NEDD4L: variants seen among roughly 807,000 people sequenced by gnomAD.
NEDD4L encodes the protein E3 ubiquitin-protein ligase NEDD4-like.
In NEDD4L, 54 loss-of-function variants were observed where a neutral mutation model predicts 148.9. The ratio of observed to expected loss-of-function variants is 0.36; its 90% CI spans 0.29 to 0.45. The LOEUF is 0.45. NEDD4L is among the 20% of genes least tolerant of loss of function. NEDD4L has a pLI of 1.00. For synonymous variants in NEDD4L, 433 were observed against 440.7 expected (o/e 0.98, Z 0.22); for missense variants, 856 against 1,233.8 (o/e 0.69, Z 4.59).
chr18:58,360,225 A>G (rs2045285784), intron 19 of NEDD4L, among the ~76,000 whole-genome samples: 1 of 152,178 alleles, frequency 6.6e-6, no homozygotes. Context: ...CTTCTTCAGT[A>G]TGGGGATTGT....
intron 1 of NEDD4L, chr18:58,047,287 C>G: frequency 1.0e-6 from 1 of 983,988 alleles, no homozygotes; most frequent in Non-Finnish European, 1.2e-6. Flanking sequence ...ACACACATAC[C>G]TACCACATTT....
chr18:58,215,008 C>T (rs528163444), intron 2 of NEDD4L, among the ~76,000 whole-genome samples: 114 of 152,122 alleles, frequency 7.5e-4, no homozygotes, highest in African/African-American at 2.6e-3. Context: ...GACAGGGTTT[C>T]ACCATGTTGG....
intron 29 of NEDD4L, among the ~76,000 whole-genome samples, chr18:58,390,951 G>A (rs1160383711): frequency 6.6e-6 from 1 of 150,788 alleles, no homozygotes; most frequent in Admixed American, 6.6e-5. Flanking sequence ...GGGATTGGGG[G>A]GCAGTTTGTG....
intron 1 of NEDD4L, among the ~76,000 whole-genome samples, chr18:58,086,899 C>A (rs1013841227): frequency 4.6e-5 from 7 of 152,248 alleles, no homozygotes; most frequent in African/African-American, 1.7e-4. Flanking sequence ...ATTTCTCACT[C>A]TGTATCCTGC....
intron 5 of NEDD4L, among the ~76,000 whole-genome samples, chr18:58,263,046 GTCATGAAA>G (rs1245436421): frequency 6.6e-6 from 1 of 152,196 alleles, no homozygotes; most frequent in Non-Finnish European, 1.5e-5. Flanking sequence ...GAAGGGACAG[GTCATGAAA>G]TCAAATAAAA....
intron 2 of NEDD4L, among the ~76,000 whole-genome samples, chr18:58,215,887 T>G (rs1029860646): frequency 6.6e-6 from 1 of 152,210 alleles, no homozygotes; most frequent in Non-Finnish European, 1.5e-5. Context: ...TGTTTCTGAA[T>G]GTACAATATC....
chr18:58,082,256 T>A (rs891946121), intron 1 of NEDD4L, among the ~76,000 whole-genome samples: 2 of 148,826 alleles, frequency 1.3e-5, no homozygotes, highest in Non-Finnish European at 3.0e-5. Context: ...TACAGGAGCC[T>A]GCCACAACGC....
intron 2 of NEDD4L, among the ~76,000 whole-genome samples, chr18:58,241,459 A>T (rs1317838225): frequency 6.6e-6 from 1 of 152,082 alleles, no homozygotes; most frequent in African/African-American, 2.4e-5. Flanking sequence ...TTTCCACCTC[A>T]TGCCTCCCGG....
At chr18:58,341,581 A>AT (rs1306503497) in intron 14 of NEDD4L, 97 bp from the exon 15 acceptor site, 2 of 1,337,422 alleles carry the variant, frequency 1.5e-6, no homozygotes, top group Non-Finnish European at 2.1e-6. Flanking sequence ...CAGACCTCTT[A>AT]TTATTGCTGT....
Position 58,095,844 on chromosome 18 carries a change from A to G in NEDD4L, c.48+51136A>G, listed in dbSNP as rs566910337. Among the ~76,000 whole-genome samples, 98 of 152,348 alleles carry G rather than the reference A, an allele frequency of 6.4e-4. 1 individual carries two copies. The highest frequency in any genetic ancestry group is 2.3e-3 in the African/African-American group (94 of 41,570). On this transcript the variant is annotated intron_variant, in intron 1 of 30. Coordinates refer to ENST00000400345, the MANE Select transcript of NEDD4L (RefSeq NM_001144967.3). ...GCTTGTGCAACCACAAGCAGGTCAC[A>G]TGCAGCCCAAGATGGCCTTGAATGT...
chr18:58,089,126 ATTTTTTTT>A (rs570623396), intron 1 of NEDD4L, among the ~76,000 whole-genome samples: 22 of 100,984 alleles, frequency 2.2e-4, no homozygotes, highest in Admixed American at 1.5e-3. Flanking sequence ...TTATTTCATA[ATTTTTTTT>A]TTTTTTTTTT....
chr18:58,328,302 C>A (rs1192921327), intron 9 of NEDD4L, among the ~76,000 whole-genome samples: 2 of 152,172 alleles, frequency 1.3e-5, no homozygotes, highest in East Asian at 3.8e-4. Context: ...ACTTTTAGAT[C>A]CTGAATTGAG....
At position 58,231,918 on chromosome 18, in the gene NEDD4L, A is replaced by G. The variant is rs564084204; in HGVS notation, c.123-13509A>G. ...TCCCACCTAATAGAAAGTCGGAAGCATAGGGCAAAAGTAAAGGAAGGACCC... is the reference window on the plus strand; with the variant it reads ...TCCCACCTAATAGAAAGTCGGAAGCGTAGGGCAAAAGTAAAGGAAGGACCC... On this transcript the variant is annotated intron_variant, in intron 2 of 30. Transcript: ENST00000400345. 3.8e-4 allele frequency among the ~76,000 whole-genome samples: 58 copies of G among 152,310 alleles called. 1 individual carries two copies. Among genetic ancestry groups the G allele is most frequent in the African/African-American group, 1.3e-3 (56 of 41,570 alleles).
intron 1 of NEDD4L, among the ~76,000 whole-genome samples, chr18:58,120,438 A>G (rs2086156680): frequency 6.6e-6 from 1 of 152,204 alleles, no homozygotes; most frequent in Non-Finnish European, 1.5e-5. Context: ...AAATACTATC[A>G]GTACAATGCC....
intron 1 of NEDD4L, among the ~76,000 whole-genome samples, chr18:58,066,650 A>G (rs542138978): frequency 4.4e-4 from 67 of 152,148 alleles, no homozygotes; most frequent in African/African-American, 1.5e-3. Context: ...AACGACATAC[A>G]TGAGACTGCG....
intron 2 of NEDD4L, among the ~76,000 whole-genome samples, chr18:58,232,294 C>G (rs1429573667): frequency 6.6e-6 from 1 of 152,128 alleles, no homozygotes; most frequent in African/African-American, 2.4e-5. Flanking sequence ...TTTAAAAAAT[C>G]AAAATGCCCT....
At chr18:58,326,467 A>G (rs1187686734) in intron 9 of NEDD4L, among the ~76,000 whole-genome samples, 1 of 152,198 alleles carries the variant, frequency 6.6e-6, no homozygotes, top group Non-Finnish European at 1.5e-5. Flanking sequence ...ATTGCTTACT[A>G]TTTCCTTTTG....
chr18:58,082,744 C>CA (rs2083533393), intron 1 of NEDD4L, among the ~76,000 whole-genome samples: 1 of 146,606 alleles, frequency 6.8e-6, no homozygotes, highest in Non-Finnish European at 1.5e-5. Flanking sequence ...GCTGAGATCA[C>CA]ACCACTGCAC....
intron 28 of NEDD4L, among the ~76,000 whole-genome samples, chr18:58,389,690 A>G (rs1407427082): frequency 6.6e-6 from 1 of 151,820 alleles, no homozygotes; most frequent in Non-Finnish European, 1.5e-5. Flanking sequence ...TCAGCTTAGG[A>G]GGGAAGTAAA....
Sources: gnomAD v4.1 joint callset for allele counts (sites outside exome capture counted in the v4.1 genomes callset) on GRCh38, gnomAD v4.1.1 for gene constraint, MANE v1.5 for transcripts, NCBI Gene and HGNC (gene_info 2026-07-23, HGNC 2026-07-21) for gene names.